Variants in EMCN observed in about 807,000 individuals in gnomAD.
EMCN encodes the protein MUC-14.
A neutral mutation model predicts 38.4 loss-of-function variants in EMCN; 37 were observed. The observed-to-expected ratio is 0.96, with a 90% CI of 0.74 to 1.27. The LOEUF (loss-of-function observed/expected upper bound fraction) is 1.27. Among genes scored for constraint, EMCN ranks in the 50% most tolerant of loss-of-function variants. EMCN has a pLI of 0.00. For synonymous variants in EMCN, 95 were observed against 100.8 expected (o/e 0.94, Z 0.35); for missense variants, 318 against 302.8 (o/e 1.05, Z -0.37).
At chr4:100,464,324 T>A (rs1403414005) in intron 4 of EMCN, among the ~76,000 whole-genome samples, 1 of 152,000 alleles carries the variant, frequency 6.6e-6, no homozygotes, top group East Asian at 1.9e-4. Flanking sequence ...TAGATAATTA[T>A]GTAGTCTTCT....
At chr4:100,407,480 G>C (rs904802165) in intron 11 of EMCN, among the ~76,000 whole-genome samples, 6 of 152,040 alleles carry the variant, frequency 3.9e-5, no homozygotes, top group Non-Finnish European at 5.9e-5. Context: ...TGCTTATGAG[G>C]TCTAGTTTGG....
intron 5 of EMCN, chr4:100,445,925 G>T (rs1049866228): frequency 6.4e-6 from 2 of 312,494 alleles, no homozygotes; most frequent in South Asian, 1.3e-4. Flanking sequence ...TACTTATTTG[G>T]CTTAGGAAAA....
intron 2 of EMCN, among the ~76,000 whole-genome samples, chr4:100,476,459 G>C (rs987075812): frequency 6.6e-6 from 1 of 151,896 alleles, no homozygotes; most frequent in South Asian, 2.1e-4. Context: ...CCTCTTCTTT[G>C]TTCCTTCCTT....
chr4:100,438,788 T>A (rs1306216627), intron 5 of EMCN, among the ~76,000 whole-genome samples: 10 of 152,130 alleles, frequency 6.6e-5, no homozygotes, highest in Admixed American at 1.3e-4. Flanking sequence ...GTTTTTTTTT[T>A]AATCAAGAAT....
At chr4:100,504,618 AAG>A (rs1483669830) in intron 1 of EMCN, among the ~76,000 whole-genome samples, 1 of 152,240 alleles carries the variant, frequency 6.6e-6, no homozygotes, top group African/African-American at 2.4e-5. Context: ...ACCAGAAGAC[AAG>A]AGTGTGAGCC....
intron 1 of EMCN, among the ~76,000 whole-genome samples, chr4:100,513,826 A>G (rs1202441330): frequency 1.3e-5 from 2 of 152,198 alleles, no homozygotes; most frequent in African/African-American, 2.4e-5. Flanking sequence ...ATTTCATTCA[A>G]TTATCCATTC....
At chr4:100,495,073 G>C (rs1034328576) in intron 1 of EMCN, among the ~76,000 whole-genome samples, 1 of 152,056 alleles carries the variant, frequency 6.6e-6, no homozygotes, top group African/African-American at 2.4e-5. Flanking sequence ...GGGAAGAAAA[G>C]TGAGCGTGAG....
chr4:100,502,366 C>A (rs1260287480), intron 1 of EMCN, among the ~76,000 whole-genome samples: 1 of 152,128 alleles, frequency 6.6e-6, no homozygotes, highest in African/African-American at 2.4e-5. Flanking sequence ...TTTACCTATG[C>A]AAGCTTGCAT....
At position 100,447,518 on chromosome 4, in the gene EMCN, G is replaced by T; in HGVS notation, c.415+15C>A. 6.3e-7 allele frequency: 1 copy of T among 1,590,152 alleles called. No individual in the cohort carries two copies. The highest frequency in any genetic ancestry group is 8.6e-7 in the Non-Finnish European group (1 of 1,160,332). On this transcript the variant is annotated intron_variant, in intron 5 of 11. Transcript: ENST00000296420. ...ATGAAAATACTAAGAGAGAGACAGA[G>T]AAAAAAGAGCTTACCTGGTATTTCT...
chr4:100,456,990 C>T (rs72617735), intron 4 of EMCN, among the ~76,000 whole-genome samples: 19,141 of 151,890 alleles, frequency 0.13, 2,242 homozygotes, highest in East Asian at 0.57. Flanking sequence ...TATATGATAA[C>T]GTAAAATTTT....
At chr4:100,503,873 T>C (rs1390796785) in intron 1 of EMCN, among the ~76,000 whole-genome samples, 2 of 152,242 alleles carry the variant, frequency 1.3e-5, no homozygotes, top group African/African-American at 4.8e-5. Flanking sequence ...TTCAGATCTT[T>C]AGTTATTTTC....
At chr4:100,498,036 G>A (rs1171545171) in intron 1 of EMCN, among the ~76,000 whole-genome samples, 1 of 152,014 alleles carries the variant, frequency 6.6e-6, no homozygotes, top group African/African-American at 2.4e-5. Flanking sequence ...ATAGTGGTTG[G>A]ATTCTTATTA....
intron 1 of EMCN, among the ~76,000 whole-genome samples, chr4:100,491,624 A>G (rs1252068022): frequency 6.6e-6 from 1 of 152,144 alleles, no homozygotes; most frequent in Non-Finnish European, 1.5e-5. Context: ...AACCCTGTCC[A>G]ACTCTTAAAA....
rs533120238 is a variant in EMCN, at chr4:100,421,141, T to A, written c.664+141A>T. The A allele has an allele frequency of 1.2e-4, 90 of 767,062 alleles. 1 individual carries two copies. The South Asian group carries it at 1.2e-3, about 10-fold the overall frequency. 47.5% of individuals were successfully genotyped at this position (767,062 alleles called of 1,614,324 possible). On this transcript the variant is annotated intron_variant, in intron 8 of 11. Coordinates refer to ENST00000296420, the MANE Select transcript of EMCN (RefSeq NM_016242.4). ...AGCATTCAGTGGGTGTCTGTGCCCT[T>A]CGTCCTTTGTTTCTGTGATCAGGAA...
At chr4:100,465,119 A>G (rs886643230) in intron 4 of EMCN, among the ~76,000 whole-genome samples, 1 of 151,822 alleles carries the variant, frequency 6.6e-6, no homozygotes, top group Non-Finnish European at 1.5e-5. Flanking sequence ...CTTTCTAACA[A>G]TTTTTTCATT....
intron 1 of EMCN, among the ~76,000 whole-genome samples, chr4:100,492,822 T>A (rs541136049): frequency 1.6e-4 from 25 of 152,098 alleles, no homozygotes; most frequent in African/African-American, 6.0e-4. Context: ...CAAGGGGTGG[T>A]GTAGTGTAGG....
intron 4 of EMCN, among the ~76,000 whole-genome samples, chr4:100,455,703 T>C (rs2110252539): frequency 6.6e-6 from 1 of 152,226 alleles, no homozygotes; most frequent in Non-Finnish European, 1.5e-5. Context: ...TGCTTTGGTG[T>C]AGTTTTCTTC....
intron 1 of EMCN, among the ~76,000 whole-genome samples, chr4:100,493,892 TAGTC>T (rs1199774392): frequency 3.3e-5 from 5 of 152,196 alleles, no homozygotes; most frequent in Non-Finnish European, 7.3e-5. Context: ...TCCCTGCAAA[TAGTC>T]AGAGACTTTC....
chr4:100,470,874 TA>T (rs1213283199), intron 3 of EMCN, among the ~76,000 whole-genome samples: 1 of 151,700 alleles, frequency 6.6e-6, no homozygotes, highest in Non-Finnish European at 1.5e-5. Context: ...GAATAAATCA[TA>T]AAAAATATTA....
Sources: allele counts gnomAD v4.1 joint callset (sites outside exome capture counted in the v4.1 genomes callset), GRCh38; gene constraint gnomAD v4.1.1; transcripts MANE v1.5; gene names NCBI Gene and HGNC (gene_info 2026-07-23, HGNC 2026-07-21).